Variants in NAP1L4 observed in about 807,000 individuals in gnomAD.
NAP1L4 encodes nucleosome assembly protein 1 like 4, also known as nucleosome assembly protein 1-like 4.
Under a neutral mutation model 58.2 loss-of-function variants are expected in NAP1L4, and 15 were observed. The observed-to-expected ratio is 0.26, with a 90% CI of 0.17 to 0.40. The LOEUF is 0.40. Ranked by LOEUF, NAP1L4 falls within the 10% of genes least tolerant of loss-of-function variation. The pLI is 1.00. For synonymous variants in NAP1L4, 171 were observed against 155.6 expected (o/e 1.10, Z -0.74); for missense variants, 384 against 451.1 (o/e 0.85, Z 1.35).
chr11:2,952,119 C>T, intron 12 of NAP1L4: 1 of 434,702 alleles, frequency 2.3e-6, no homozygotes, highest in Non-Finnish European at 4.1e-6. Flanking sequence ...CACCGAGGAG[C>T]AGGCACACAG....
chr11:2,962,997 G>A (rs1478276055), intron 8 of NAP1L4, among the ~76,000 whole-genome samples: 1 of 151,344 alleles, frequency 6.6e-6, no homozygotes, highest in Admixed American at 6.6e-5. Flanking sequence ...CTACTCGGGA[G>A]GCTGAGGCAG....
Position 2,945,522 on chromosome 11 carries a change from C to T in NAP1L4, c.*157G>A. The T allele has an allele frequency of 5.1e-6, 6 of 1,179,504 alleles. No individual in the cohort carries two copies. The highest frequency in any genetic ancestry group is 2.6e-5 in the East Asian group (1 of 38,418). 73.1% of individuals were successfully genotyped at this position (1,179,504 alleles called of 1,614,324 possible). On this transcript the variant is annotated 3_prime_UTR_variant, in exon 16 of 16. Transcript: ENST00000380542. ...AGTTAGATGGAGTAAGCTCTGTCCA[C>T]GGGATTGTGCTGCGGCAAGGACCGA...
intron 1 of NAP1L4, chr11:2,991,277 C>T (rs1848949647): frequency 2.6e-6 from 1 of 380,258 alleles, no homozygotes; most frequent in Non-Finnish European, 5.5e-6. Flanking sequence ...AAAGTCTTAT[C>T]ATGACCAGGC....
Position 2,954,649 on chromosome 11 carries a change from G to A in NAP1L4, c.916-3C>T. 1 of 1,614,168 alleles carries A rather than the reference G, an allele frequency of 6.2e-7. No individual in the cohort carries two copies. The highest frequency in any genetic ancestry group is 8.5e-7 in the Non-Finnish European group (1 of 1,180,038). On this transcript the variant is annotated splice_polypyrimidine_tract_variant and splice_region_variant and intron_variant, in intron 11 of 15. Transcript: ENST00000380542. The surrounding 1 kb of genome is among the most constrained non-coding windows in gnomAD (Gnocchi z 4.8). ...AATGTGAATTCAGAATCTTCATCCT[G>A]AGGAGGAAAAACCTACGTGTTAACT...
intron 1 of NAP1L4, among the ~76,000 whole-genome samples, chr11:2,986,063 T>C (rs1321473371): frequency 6.6e-6 from 1 of 152,192 alleles, no homozygotes; most frequent in African/African-American, 2.4e-5. Context: ...ATCTACTCCA[T>C]AGCTAGAGTA....
intron 12 of NAP1L4, among the ~76,000 whole-genome samples, chr11:2,953,844 CAAGA>C (rs1400279154): frequency 2.0e-5 from 3 of 152,316 alleles, no homozygotes; most frequent in East Asian, 3.9e-4. Context: ...AAGAGCTCCA[CAAGA>C]AAGAGAGTAT....
At chr11:2,957,790 C>T (rs1285217412) in intron 10 of NAP1L4, among the ~76,000 whole-genome samples, 1 of 152,110 alleles carries the variant, frequency 6.6e-6, no homozygotes, top group Non-Finnish European at 1.5e-5. Flanking sequence ...GTGATTCTGC[C>T]GATGTTTTTC....
At chr11:2,980,442 T>A (rs1175816779) in intron 1 of NAP1L4, among the ~76,000 whole-genome samples, 1 of 152,196 alleles carries the variant, frequency 6.6e-6, no homozygotes, top group Non-Finnish European at 1.5e-5. Context: ...CACCTCAGCC[T>A]ACCAAAGTGT....
rs536785616 is a variant in NAP1L4, at chr11:2,962,252, T to C, written c.607-2343A>G. Among the ~76,000 whole-genome samples the C allele has an allele frequency of 1.4e-4, 22 of 152,322 alleles. No homozygotes were observed. The South Asian group carries it at 3.7e-3, about 26-fold the overall frequency. On this transcript the variant is annotated intron_variant, in intron 8 of 15. Transcript: ENST00000380542. ...CTGATCATAATGCAACAATTTACAA[T>C]GGGGGAGGTGGGGCATGTAGGGGAA...
At chr11:2,964,531 A>G (rs1847142955) in intron 8 of NAP1L4, 149 bp downstream of exon 8, 2 of 634,106 alleles carry the variant, frequency 3.2e-6, no homozygotes, top group Non-Finnish European at 5.6e-6. Context: ...ACTCAGTCTA[A>G]CTCTTGGAGA....
intron 1 of NAP1L4, among the ~76,000 whole-genome samples, chr11:2,987,744 G>A (rs184588025): frequency 3.0e-3 from 362 of 121,534 alleles, no homozygotes; most frequent in Admixed American, 5.9e-3. Context: ...GCATCAGAGC[G>A]AGACTCCACC....
chr11:2,979,128 T>G, intron 2 of NAP1L4, 79 bp downstream of exon 2: 1 of 1,399,012 alleles, frequency 7.1e-7, no homozygotes, highest in Non-Finnish European at 1.0e-6. Context: ...TTGATTCTAA[T>G]TATTTATTGA....
intron 8 of NAP1L4, among the ~76,000 whole-genome samples, chr11:2,962,185 C>T (rs1055678163): frequency 4.6e-5 from 7 of 152,234 alleles, no homozygotes; most frequent in African/African-American, 1.4e-4. Context: ...ACTAAGGAAA[C>T]CATCAAACAT....
In NAP1L4 at chr11:2,957,219, CACAG is replaced by C. The variant is rs369490731; in HGVS notation, c.892+1176_892+1179del. Among the ~76,000 whole-genome samples the C allele has an allele frequency of 7.4e-4, 113 of 152,280 alleles. 1 individual carries two copies. The highest frequency in any genetic ancestry group is 2.3e-3 in the East Asian group (12 of 5,192). ...AAGCCTCCCTTCTTCACGCTGAATT[CACAG>C]ACAATCTCCAGTATGCCCAACCCAA... On this transcript the variant is annotated intron_variant, in intron 10 of 15. Coordinates refer to ENST00000380542, the MANE Select transcript of NAP1L4 (RefSeq NM_005969.4).
At chr11:2,961,897 TCA>T (rs1254311673) in intron 8 of NAP1L4, among the ~76,000 whole-genome samples, 1 of 152,224 alleles carries the variant, frequency 6.6e-6, no homozygotes, top group Admixed American at 6.5e-5. Context: ...CTGCCTTTGT[TCA>T]GTCAAGAGTA....
chr11:2,978,113 C>T (rs1331016876), intron 3 of NAP1L4, among the ~76,000 whole-genome samples, 171 bp downstream of exon 3: 2 of 152,184 alleles, frequency 1.3e-5, no homozygotes, highest in African/African-American at 4.8e-5. Context: ...AGTCTGAATT[C>T]CTATAATAAA....
intron 8 of NAP1L4, among the ~76,000 whole-genome samples, chr11:2,962,345 G>GC (rs1846974477): frequency 2.0e-5 from 3 of 152,330 alleles, no homozygotes; most frequent in Admixed American, 1.3e-4. Context: ...GTGTGATGTG[G>GC]CAGCAGGGTG....
intron 10 of NAP1L4, among the ~76,000 whole-genome samples, chr11:2,957,081 A>C (rs1054164340): frequency 6.6e-6 from 1 of 152,156 alleles, no homozygotes; most frequent in African/African-American, 2.4e-5. Flanking sequence ...GAATCTAAAA[A>C]AAAAAACACT....
intron 2 of NAP1L4, 43 bp downstream of exon 2, chr11:2,979,164 A>C: frequency 6.3e-7 from 1 of 1,593,826 alleles, no homozygotes; most frequent in East Asian, 2.2e-5. Flanking sequence ...TTGCTCACCA[A>C]CTGAATTTTA....
Sources: gnomAD v4.1 joint callset for allele counts (sites outside exome capture counted in the v4.1 genomes callset) on GRCh38, gnomAD v4.1.1 for gene constraint, Gnocchi (gnomAD v3.1) non-coding constraint, MANE v1.5 for transcripts, NCBI Gene and HGNC (gene_info 2026-07-23, HGNC 2026-07-21) for gene names.